CTIF: variants seen among roughly 807,000 people sequenced by gnomAD.
The protein encoded by CTIF is cap binding complex dependent translation initiation factor.
CTIF carries 21 observed loss-of-function variants against 66.0 expected under a neutral mutation model. The observed-to-expected ratio is 0.32, with a 90% CI of 0.23 to 0.46. CTIF has a LOEUF of 0.46. CTIF is among the 20% of genes least tolerant of loss of function. The pLI is 1.00. For missense variants in CTIF, 739 were observed against 812.7 expected (o/e 0.91, Z 1.10); for synonymous variants, 345 against 326.4 (o/e 1.06, Z -0.62).
chr18:48,859,451 C>T lies in CTIF; in HGVS notation c.1689C>T (p.Thr563=). The T allele has an allele frequency of 6.2e-7, 1 of 1,614,198 alleles. No individual in the cohort carries two copies. Among genetic ancestry groups the T allele is most frequent in the African/African-American group, 1.3e-5 (1 of 75,042 alleles). The change falls in exon 12 of 12, where the codon ACC becomes ACT. Residue 563 remains threonine, a synonymous_variant. Transcript: ENST00000256413. ...TGTGCCCCTCGGAGTCCATGCTGAC[C>T]CGGTCGCTGCTCCTAGAGGTCATCG... ...KMLCPSESML[T]RSLLLEVIEL... is the part of the protein sequence containing the mutation.
At chr18:48,553,463 G>A (rs776381526) in intron 1 of CTIF, among the ~76,000 whole-genome samples, 1 of 152,138 alleles carries the variant, frequency 6.6e-6, no homozygotes, top group South Asian at 2.1e-4. Context: ...CGGGTGATGG[G>A]GTAATTCCCG....
chr18:48,609,276 C>T (rs1568070187), intron 1 of CTIF, among the ~76,000 whole-genome samples: 1 of 152,074 alleles, frequency 6.6e-6, no homozygotes, highest in East Asian at 1.9e-4. Flanking sequence ...AGATAGCAGT[C>T]GTCATTGATA....
intron 9 of CTIF, among the ~76,000 whole-genome samples, chr18:48,797,495 G>GGGGC (rs1555695521): frequency 8.8e-5 from 13 of 148,044 alleles, no homozygotes; most frequent in African/African-American, 3.3e-4. Flanking sequence ...AAAGAAAAGG[G>GGGGC]GTGGGGGGGC....
chr18:48,729,091 C>A (rs2092413288), intron 7 of CTIF, among the ~76,000 whole-genome samples: 1 of 152,222 alleles, frequency 6.6e-6, no homozygotes, highest in Non-Finnish European at 1.5e-5. Flanking sequence ...CTCTGCGCTT[C>A]CATCCTTCCT....
intron 1 of CTIF, among the ~76,000 whole-genome samples, chr18:48,605,186 G>T (rs1289232252): frequency 1.3e-5 from 2 of 152,182 alleles, no homozygotes; most frequent in Non-Finnish European, 1.5e-5. Context: ...AATGGTTCAA[G>T]AAATTGCAAA....
At chr18:48,577,100 C>T (rs1033252546) in intron 1 of CTIF, among the ~76,000 whole-genome samples, 2 of 152,292 alleles carry the variant, frequency 1.3e-5, no homozygotes, top group Non-Finnish European at 2.9e-5. Context: ...AGGTTGGAGA[C>T]GTGAGGAGAA....
chr18:48,647,925 C>G (rs2091078627), intron 3 of CTIF, among the ~76,000 whole-genome samples: 1 of 152,124 alleles, frequency 6.6e-6, no homozygotes, highest in African/African-American at 2.4e-5. Flanking sequence ...AGAAGGCCTC[C>G]CTGTGAGGCA....
chr18:48,855,990 G>A (rs1216743980), intron 10 of CTIF, among the ~76,000 whole-genome samples: 3 of 152,294 alleles, frequency 2.0e-5, no homozygotes, highest in South Asian at 4.1e-4. Flanking sequence ...CCTGAGAGTC[G>A]TGATGATCGA....
At chr18:48,608,485 G>T (rs1008011877) in intron 1 of CTIF, among the ~76,000 whole-genome samples, 1 of 152,100 alleles carries the variant, frequency 6.6e-6, no homozygotes, top group African/African-American at 2.4e-5. Context: ...GAAAGTGGTG[G>T]GGGGGTGGGG....
chr18:48,670,628 T>G (rs1165955928), intron 5 of CTIF, 41 bp from the exon 6 acceptor site: 1 of 1,566,718 alleles, frequency 6.4e-7, no homozygotes, highest in Non-Finnish European at 8.8e-7. Flanking sequence ...GAGGCATGAA[T>G]GAGCCATCTT....
intron 1 of CTIF, among the ~76,000 whole-genome samples, chr18:48,558,749 GA>G (rs2089080567): frequency 6.6e-6 from 1 of 152,170 alleles, no homozygotes; most frequent in South Asian, 2.1e-4. Flanking sequence ...GCTGGCACCT[GA>G]AAAACATCAG....
At chr18:48,853,152 G>A (rs575589259) in intron 10 of CTIF, among the ~76,000 whole-genome samples, 82 of 152,334 alleles carry the variant, frequency 5.4e-4, no homozygotes, top group Admixed American at 1.6e-3. Context: ...TGTGCCAGAT[G>A]TTGGGGAGAG....
intron 10 of CTIF, among the ~76,000 whole-genome samples, chr18:48,843,351 G>A (rs1323754433): frequency 6.6e-6 from 1 of 152,144 alleles, no homozygotes; most frequent in Non-Finnish European, 1.5e-5. Context: ...TGTGCCCAGT[G>A]TTCCCAGTGA....
intron 1 of CTIF, among the ~76,000 whole-genome samples, chr18:48,580,253 G>A (rs191365191): frequency 2.6e-5 from 4 of 152,254 alleles, no homozygotes; most frequent in Admixed American, 2.6e-4. Flanking sequence ...CGGGTCACTG[G>A]CACTGAGGCC....
intron 9 of CTIF, among the ~76,000 whole-genome samples, chr18:48,810,532 A>G (rs1031920494): frequency 2.6e-5 from 4 of 152,076 alleles, no homozygotes; most frequent in Non-Finnish European, 5.9e-5. Flanking sequence ...AACCTGTACA[A>G]TTTCTATGTT....
chr18:48,667,844 G>A (rs1363942324), intron 5 of CTIF, among the ~76,000 whole-genome samples: 1 of 152,198 alleles, frequency 6.6e-6, no homozygotes, highest in Non-Finnish European at 1.5e-5. Context: ...TGAGTGCAGT[G>A]TCTGTGGCCA....
chr18:48,812,682 A>T (rs1262822725), intron 9 of CTIF, among the ~76,000 whole-genome samples: 1 of 151,340 alleles, frequency 6.6e-6, no homozygotes, highest in East Asian at 1.9e-4. Flanking sequence ...TGAGCCTAAG[A>T]GGTCGAGGCT....
Position 48,539,152 on chromosome 18 carries a change from C to T in CTIF, c.-189C>T, listed in dbSNP as rs1219191303. The T allele has an allele frequency of 2.1e-5, 3 of 141,900 alleles. No homozygotes were observed. Among genetic ancestry groups the T allele is most frequent in the Non-Finnish European group, 4.6e-5 (3 of 65,898 alleles). The allele number at this position is 141,900 out of a possible 1,614,324, so 8.8% of individuals were successfully genotyped here. On this transcript the variant is annotated 5_prime_UTR_variant, in exon 1 of 12. Coordinates refer to ENST00000256413, the MANE Select transcript of CTIF (RefSeq NM_014772.3). ...CTTCCCTCCCTCCCTCCCCTCTCTG[C>T]TGGGTCTGTGCGCTGGGGCGCCCGA...
intron 9 of CTIF, among the ~76,000 whole-genome samples, chr18:48,797,004 A>G (rs2067935071): frequency 6.6e-6 from 1 of 152,166 alleles, no homozygotes; most frequent in Non-Finnish European, 1.5e-5. Context: ...CATCTGCAGC[A>G]CTGGCCTCCC....
Sources: allele counts gnomAD v4.1 joint callset (sites outside exome capture counted in the v4.1 genomes callset), GRCh38; gene constraint gnomAD v4.1.1; transcripts MANE v1.5; gene names NCBI Gene and HGNC (gene_info 2026-07-23, HGNC 2026-07-21).